Variants in ZEB1 observed in about 807,000 individuals in gnomAD.
ZEB1 encodes the protein zinc finger E-box-binding homeobox 1.
Under a neutral mutation model 84.9 loss-of-function variants are expected in ZEB1, and 21 were observed. The ratio of observed to expected loss-of-function variants is 0.25; its 90% CI spans 0.18 to 0.36. ZEB1 has a LOEUF of 0.36. Ranked by LOEUF, ZEB1 falls within the 10% of genes least tolerant of loss-of-function variation. The pLI, the probability that ZEB1 is intolerant of heterozygous loss-of-function variation, is 1.00. For missense variants in ZEB1, 1,104 were observed against 1,330.2 expected (o/e 0.83, Z 2.65); for synonymous variants, 420 against 471.1 (o/e 0.89, Z 1.41).
chr10:31,431,564 G>A (rs570063038), intron 1 of ZEB1, among the ~76,000 whole-genome samples: 60 of 152,036 alleles, frequency 3.9e-4, no homozygotes, highest in African/African-American at 1.3e-3. Flanking sequence ...TTTAAACTCC[G>A]CATCCTACTT....
At position 31,497,924 on chromosome 10, in the gene ZEB1, A is replaced by AATAGATAGATAGATAGATAG. The variant is rs145458133; in HGVS notation, c.322+2117_322+2136dup. ...GAGGATACTTTATTCAGGATGGAAA[A>AATAGATAGATAGATAGATAG]ATAGATAGATAGATAGATAGATAGA... On this transcript the variant is annotated intron_variant, in intron 3 of 8. Transcript: ENST00000424869. Among the ~76,000 whole-genome samples the AATAGATAGATAGATAGATAG allele has an allele frequency of 4.5e-4, 66 of 145,492 alleles. 1 individual carries two copies. Among genetic ancestry groups the AATAGATAGATAGATAGATAG allele is most frequent in the East Asian group, 2.1e-3 (10 of 4,872 alleles).
chr10:31,426,039 T>G (rs1434127024), intron 1 of ZEB1, among the ~76,000 whole-genome samples: 1 of 152,168 alleles, frequency 6.6e-6, no homozygotes, highest in Non-Finnish European at 1.5e-5. Flanking sequence ...TTAATCCTTT[T>G]CTTCTAATTA....
chr10:31,443,986 A>G (rs1256279076), intron 1 of ZEB1, among the ~76,000 whole-genome samples: 1 of 150,068 alleles, frequency 6.7e-6, no homozygotes, highest in African/African-American at 2.5e-5. Context: ...AGGAATCGCC[A>G]CACTGTCTTC....
At chr10:31,472,805 C>G (rs952757804) in intron 2 of ZEB1, among the ~76,000 whole-genome samples, 31 of 139,380 alleles carry the variant, frequency 2.2e-4, no homozygotes, top group Admixed American at 1.7e-3. Context: ...TGCAAAAATC[C>G]TCAGTAAAAT....
intron 1 of ZEB1, among the ~76,000 whole-genome samples, chr10:31,367,222 C>T (rs551271866): frequency 6.6e-6 from 1 of 152,130 alleles, no homozygotes; most frequent in Non-Finnish European, 1.5e-5. Flanking sequence ...TATTTTGCTT[C>T]CCGTTACTGT....
chr10:31,350,306 T>G (rs1197850382), intron 1 of ZEB1, among the ~76,000 whole-genome samples: 1 of 152,228 alleles, frequency 6.6e-6, no homozygotes, highest in East Asian at 1.9e-4. Context: ...AAATTCTGCA[T>G]TATCTTTGAT....
intron 5 of ZEB1, 66 bp downstream of exon 5, chr10:31,510,941 C>A: frequency 1.4e-6 from 2 of 1,450,070 alleles, no homozygotes; most frequent in Non-Finnish European, 1.9e-6. Context: ...CAATGGAAGG[C>A]AAGGATTTTA....
At chr10:31,363,206 C>G (rs1398200135) in intron 1 of ZEB1, 2 of 1,534,064 alleles carry the variant, frequency 1.3e-6, no homozygotes, top group African/African-American at 1.4e-5. Flanking sequence ...TGGTCTTCAC[C>G]CAGCACCTTC....
intron 1 of ZEB1, among the ~76,000 whole-genome samples, chr10:31,441,651 C>A (rs2059005333): frequency 6.6e-6 from 1 of 152,102 alleles, no homozygotes; most frequent in Non-Finnish European, 1.5e-5. Context: ...TTTTTGCAAT[C>A]TACACATTTG....
chr10:31,473,870 C>G (rs1427211368), intron 2 of ZEB1, among the ~76,000 whole-genome samples: 2 of 150,626 alleles, frequency 1.3e-5, no homozygotes, highest in Non-Finnish European at 3.0e-5. Flanking sequence ...AGATATAGAT[C>G]AATGGAACTG....
chr10:31,422,839 G>T (rs561399328), intron 1 of ZEB1, among the ~76,000 whole-genome samples: 2 of 151,914 alleles, frequency 1.3e-5, no homozygotes, highest in Non-Finnish European at 2.9e-5. Context: ...TCCCCCCTTT[G>T]GTTGTCCCCA....
chr10:31,375,090 C>CACACACAG (rs1204880411), intron 1 of ZEB1: 51 of 140,020 alleles, frequency 3.6e-4, no homozygotes, highest in African/African-American at 1.2e-3. Context: ...CACACACACA[C>CACACACAG]AGAGAAGCAT....
rs368707491 is a variant in ZEB1 at position 31,339,685 on chromosome 10, G to A, written c.58+20393G>A. ...CTCAGGAGGCTGAGACAGGAGAATCGCTTGAACCGGGGAGGCAGAGGTTGC... is the reference window on the plus strand; with the variant it reads ...CTCAGGAGGCTGAGACAGGAGAATCACTTGAACCGGGGAGGCAGAGGTTGC... On this transcript the variant is annotated intron_variant, in intron 1 of 8. Transcript: ENST00000424869. 5.9e-5 allele frequency among the ~76,000 whole-genome samples: 9 copies of A among 151,534 alleles called. No homozygotes were observed. In the East Asian group the frequency reaches 9.7e-4, roughly 16 times the overall value.
At chr10:31,464,906 A>G (rs1026212778) in intron 2 of ZEB1, among the ~76,000 whole-genome samples, 3 of 152,220 alleles carry the variant, frequency 2.0e-5, no homozygotes, top group African/African-American at 7.2e-5. Flanking sequence ...AAAGAACACT[A>G]ATTAGCAACA....
At chr10:31,362,185 A>C (rs1411916832) in intron 1 of ZEB1, among the ~76,000 whole-genome samples, 1 of 148,876 alleles carries the variant, frequency 6.7e-6, no homozygotes, top group East Asian at 2.0e-4. Context: ...GGCGCTTCTC[A>C]CTTCCCATAC....
intron 1 of ZEB1, among the ~76,000 whole-genome samples, chr10:31,450,702 C>T (rs955522165): frequency 3.9e-5 from 6 of 152,030 alleles, no homozygotes; most frequent in Non-Finnish European, 7.4e-5. Flanking sequence ...AAAGTATCAG[C>T]AAGGGAATGG....
intron 2 of ZEB1, among the ~76,000 whole-genome samples, chr10:31,473,155 GGGA>G (rs1222991124): frequency 3.3e-5 from 5 of 151,048 alleles, no homozygotes; most frequent in African/African-American, 1.2e-4. Flanking sequence ...GCACAAGACA[GGGA>G]TGCCCTCTCT....
At chr10:31,378,563 A>G (rs1464317724) in intron 1 of ZEB1, among the ~76,000 whole-genome samples, 4 of 151,550 alleles carry the variant, frequency 2.6e-5, no homozygotes, top group African/African-American at 7.3e-5. Context: ...AATATATAAT[A>G]TTAAATATTA....
chr10:31,368,921 T>C (rs1483254306), intron 1 of ZEB1, among the ~76,000 whole-genome samples: 4 of 152,224 alleles, frequency 2.6e-5, no homozygotes, highest in African/African-American at 7.2e-5. Flanking sequence ...TGAAACCAGT[T>C]GAACTAACAA....
Sources: gnomAD v4.1 joint callset for allele counts (sites outside exome capture counted in the v4.1 genomes callset) on GRCh38, gnomAD v4.1.1 for gene constraint, MANE v1.5 for transcripts, NCBI Gene and HGNC (gene_info 2026-07-23, HGNC 2026-07-21) for gene names.